The following ZNF324B variants were observed in gnomAD, a reference collection of about 807,000 sequenced individuals.
ZNF324B encodes zinc finger protein 324B.
Under a neutral mutation model 10.6 loss-of-function variants are expected in ZNF324B, and 7 were observed. That is an observed-to-expected ratio of 0.66 (90% CI 0.38 to 1.24). ZNF324B has a LOEUF of 1.24. Ranked by LOEUF, ZNF324B falls within the 50% of genes most tolerant of loss-of-function variation. The pLI is 0.02. For missense variants in ZNF324B, 640 were observed against 764.7 expected, an observed-to-expected ratio of 0.84 and a Z score of 1.92; for synonymous variants, 316 against 321.0, an observed-to-expected ratio of 0.98 and a Z score of 0.17.
chr19:58,427,327 CTT>C, the ZNF324B span, among the ~76,000 whole-genome samples: 3 of 95,280 alleles, frequency 3.1e-5, no homozygotes, highest in East Asian at 4.8e-4. Context: ...TTCTTTCTTT[CTT>C]TCTTTCTTTC....
chr19:58,442,195 T>C, the ZNF324B span: 1 of 110,268 alleles, frequency 9.1e-6, no homozygotes, highest in South Asian at 2.6e-4. Flanking sequence ...GGAGTCTCGC[T>C]CTGTCGCCCA....
upstream of ZNF324B, among the ~76,000 whole-genome samples, chr19:58,451,090 G>T (rs2052852303): frequency 6.6e-6 from 1 of 152,186 alleles, no homozygotes; most frequent in African/African-American, 2.4e-5. Flanking sequence ...AGAATTCTTG[G>T]TGTAGAGGTT....
the ZNF324B span, among the ~76,000 whole-genome samples, chr19:58,425,009 A>G: frequency 6.6e-6 from 1 of 152,188 alleles, no homozygotes; most frequent in South Asian, 2.1e-4. Flanking sequence ...TAATCCCACC[A>G]CTTTGGGAGG....
At chr19:58,432,403 A>G in the ZNF324B span, 3 of 459,340 alleles carry the variant, frequency 6.5e-6, no homozygotes, top group South Asian at 3.2e-5. Context: ...ATGGGGAACT[A>G]TGGCTATTCC....
the ZNF324B span, among the ~76,000 whole-genome samples, chr19:58,439,403 A>C: frequency 2.0e-5 from 3 of 152,196 alleles, no homozygotes; most frequent in Non-Finnish European, 4.4e-5. Context: ...CTGCCATTCC[A>C]GGCCTAACTA....
chr19:58,439,913 C>A, the ZNF324B span: 1 of 1,371,958 alleles, frequency 7.3e-7, no homozygotes, highest in Non-Finnish European at 9.9e-7. Flanking sequence ...TTCCCAAATG[C>A]AAAATGCGCG....
In ZNF324B at chr19:58,456,664, G is replaced by C; in HGVS notation, c.*85G>C. The C allele has an allele frequency of 6.8e-7, 1 of 1,467,106 alleles. No individual in the cohort carries two copies. Among genetic ancestry groups the C allele is most frequent in the South Asian group, 1.3e-5 (1 of 75,862 alleles). The allele number at this position is 1,467,106 out of a possible 1,614,324, so 90.9% of individuals were successfully genotyped here. A position where few individuals can be genotyped will look rare whatever the true frequency, so the allele number is the denominator to read the frequency against. ...GGGTCCGAGTGCTCTTCAGATCCAC[G>C]ATGGGGAAAAGCTCTGTGCCTGAGA... On this transcript the variant is annotated 3_prime_UTR_variant, in exon 4 of 4. Coordinates refer to ENST00000336614, the MANE Select transcript of ZNF324B (RefSeq NM_207395.3). This position sits in a 1 kb window ranked among gnomAD's most constrained non-coding sequence, Gnocchi z 4.7.
rs978457596 is a variant in ZNF324B at position 58,456,705 on chromosome 19, G to A, written c.*126G>A. ...GTGCCTGAGAGTCAGGGACGAGGGA[G>A]ACCCTTTGGCTGTGGTTCCATTTGC... On this transcript the variant is annotated 3_prime_UTR_variant, in exon 4 of 4. Coordinates refer to ENST00000336614, the MANE Select transcript of ZNF324B (RefSeq NM_207395.3). The surrounding 1 kb of genome is among the most constrained non-coding windows in gnomAD (Gnocchi z 4.7). 6 of 1,251,300 alleles carry A rather than the reference G, an allele frequency of 4.8e-6. No homozygotes were observed. In the African/African-American group the frequency reaches 6.1e-5, roughly 13 times the overall value. The allele number at this position is 1,251,300 out of a possible 1,614,324, so 77.5% of individuals were successfully genotyped here. A position where few individuals can be genotyped will look rare whatever the true frequency, so the allele number is the denominator to read the frequency against.
the ZNF324B span, among the ~76,000 whole-genome samples, chr19:58,437,982 G>T: frequency 6.6e-6 from 1 of 152,028 alleles, no homozygotes; most frequent in African/African-American, 2.4e-5. Context: ...AGATCCACTG[G>T]CCCCCACCTT....
chr19:58,435,152 C>A, the ZNF324B span: 2 of 1,614,200 alleles, frequency 1.2e-6, no homozygotes, highest in East Asian at 4.5e-5. Context: ...ACCTGTAACA[C>A]TTCTACAGAA....
chr19:58,448,119 T>C (rs909277005), upstream of ZNF324B, among the ~76,000 whole-genome samples: 1 of 152,200 alleles, frequency 6.6e-6, no homozygotes, highest in African/African-American at 2.4e-5. Flanking sequence ...GGTACTGCTA[T>C]AAAGATACCC....
In ZNF324B at chr19:58,456,780, CAA is replaced by C; in HGVS notation, c.*203_*204del. On this transcript the variant is annotated 3_prime_UTR_variant, in exon 4 of 4. Coordinates refer to ENST00000336614, the MANE Select transcript of ZNF324B (RefSeq NM_207395.3). This position sits in a 1 kb window ranked among gnomAD's most constrained non-coding sequence, Gnocchi z 4.7. The stretch of plus-strand genomic sequence containing the variant: ...TAGTCATAGCTCACACCTCCATCCT[CAA>C]AGAGGTAACACTGCAGAAACATCAG... 1 of 637,840 alleles carries C rather than the reference CAA, an allele frequency of 1.6e-6. No homozygotes were observed. The highest frequency in any genetic ancestry group is 2.7e-6 in the Non-Finnish European group (1 of 372,830). 39.5% of individuals were successfully genotyped at this position (637,840 alleles called of 1,614,324 possible). A position where few individuals can be genotyped will look rare whatever the true frequency, so the allele number is the denominator to read the frequency against.
At chr19:58,446,576 T>C in the ZNF324B span, among the ~76,000 whole-genome samples, 685 of 141,806 alleles carry the variant, frequency 4.8e-3, 8 homozygotes, top group African/African-American at 0.017. Flanking sequence ...TCTTTCTCTT[T>C]TTTTTTTTTT....
At chr19:58,434,400 C>T in the ZNF324B span, 1 of 1,614,222 alleles carries the variant, frequency 6.2e-7, no homozygotes, top group Non-Finnish European at 8.5e-7. Context: ...ATTCATCACA[C>T]TCATAAGGTC....
At chr19:58,424,924 A>G in the ZNF324B span, among the ~76,000 whole-genome samples, 1 of 152,212 alleles carries the variant, frequency 6.6e-6, no homozygotes, top group African/African-American at 2.4e-5. Flanking sequence ...ACTTGTACAC[A>G]AATGTTTATA....
the ZNF324B span, chr19:58,441,772 G>C: frequency 3.9e-5 from 6 of 152,506 alleles, 2 homozygotes; most frequent in African/African-American, 1.4e-4. Flanking sequence ...TGGAGGACCA[G>C]TGGCTAGGGC....
the ZNF324B span, chr19:58,435,473 G>T: frequency 2.6e-6 from 1 of 388,370 alleles, no homozygotes; most frequent in East Asian, 4.4e-5. Context: ...TTCTCTAAAA[G>T]AAGATATATA....
rs1326323314 is a variant in ZNF324B at position 58,453,733 on chromosome 19, C to G, written c.32C>G (p.Ser11Cys). 2 of 1,614,106 alleles carry G rather than the reference C, an allele frequency of 1.2e-6. No individual in the cohort carries two copies. The highest frequency in any genetic ancestry group is 2.7e-5 in the African/African-American group (2 of 74,940). MTFEDVAVYF[S>C]QEEWGLLDTA... Reference sequence around the variant, plus strand: ...TTCGAGGATGTGGCCGTGTACTTCTCCCAGGAGGAGTGGGGGCTCCTGGAC... The same window carrying G: ...TTCGAGGATGTGGCCGTGTACTTCTGCCAGGAGGAGTGGGGGCTCCTGGAC... Residue 11 changes from serine to cysteine, a missense_variant, in exon 2 of 4, where the codon TCC (serine) becomes TGC (cysteine). Transcript: ENST00000336614.
chr19:58,436,667 CAAAAAAAAAAAA>C, the ZNF324B span, among the ~76,000 whole-genome samples: 23,144 of 66,328 alleles, frequency 0.35, 2,373 homozygotes, highest in South Asian at 0.42. Context: ...GACTCCATCT[CAAAAAAAAAAAA>C]AAAAAAAAAA....
Sources: gnomAD v4.1 joint callset for allele counts (sites outside exome capture counted in the v4.1 genomes callset) on GRCh38, gnomAD v4.1.1 for gene constraint, Gnocchi (gnomAD v3.1) non-coding constraint, MANE v1.5 for transcripts, NCBI Gene and HGNC (gene_info 2026-07-23, HGNC 2026-07-21) for gene names.